PPP1R9A: variants seen among roughly 807,000 people sequenced by gnomAD.
PPP1R9A encodes protein phosphatase 1 regulatory subunit 9A.
In PPP1R9A, 59 loss-of-function variants were observed where a neutral mutation model predicts 141.9. That is an observed-to-expected ratio of 0.42 (90% CI 0.34 to 0.52). The LOEUF is 0.52. Ranked by LOEUF, PPP1R9A falls within the 20% of genes least tolerant of loss-of-function variation. The pLI is 0.10. For missense variants in PPP1R9A, 1,444 were observed against 1,611.9 expected, an observed-to-expected ratio of 0.90 and a Z score of 1.78; for synonymous variants, 500 against 569.7, an observed-to-expected ratio of 0.88 and a Z score of 1.74.
chr7:94,976,904 AT>A (rs201554823), intron 2 of PPP1R9A, among the ~76,000 whole-genome samples: 2,282 of 152,256 alleles, frequency 0.015, 23 homozygotes, highest in Admixed American at 0.024. Flanking sequence ...TGTAGGTTAT[AT>A]TCTTGCTGGG....
chr7:95,025,763 ATTCATTCCTT>A (rs1224933362), intron 2 of PPP1R9A, among the ~76,000 whole-genome samples: 1 of 152,034 alleles, frequency 6.6e-6, no homozygotes, highest in Non-Finnish European at 1.5e-5. Flanking sequence ...TGGAGGCTTT[ATTCATTCCTT>A]TTCATTCCTT....
intron 2 of PPP1R9A, among the ~76,000 whole-genome samples, chr7:95,007,011 C>T (rs1167191967): frequency 2.6e-5 from 4 of 152,036 alleles, no homozygotes; most frequent in Non-Finnish European, 5.9e-5. Flanking sequence ...TACAGGAGCA[C>T]GCCACTACAC....
chr7:95,281,804 T>C (rs1001952199), intron 16 of PPP1R9A, among the ~76,000 whole-genome samples: 2 of 152,186 alleles, frequency 1.3e-5, no homozygotes, highest in African/African-American at 4.8e-5. Flanking sequence ...CATGGCCTAT[T>C]TATAAACTTT....
chr7:95,003,817 C>T (rs1803255371), intron 2 of PPP1R9A, among the ~76,000 whole-genome samples: 1 of 152,126 alleles, frequency 6.6e-6, no homozygotes, highest in Non-Finnish European at 1.5e-5. Context: ...GAATTGAAAA[C>T]CACTGCCTTA....
At chr7:94,907,854 G>A (rs1223375918) in intron 1 of PPP1R9A, 152 bp downstream of exon 1, 2 of 149,638 alleles carry the variant, frequency 1.3e-5, no homozygotes, top group Non-Finnish European at 1.5e-5. Flanking sequence ...GAGCGTGCGG[G>A]CGCGTCGCTG....
At chr7:95,237,020 T>C (rs553415842) in intron 8 of PPP1R9A, among the ~76,000 whole-genome samples, 1 of 151,862 alleles carries the variant, frequency 6.6e-6, no homozygotes, top group African/African-American at 2.4e-5. Context: ...GAAAACATAT[T>C]CCATATAATA....
At chr7:95,282,540 G>C (rs970794800) in intron 16 of PPP1R9A, among the ~76,000 whole-genome samples, 1 of 152,086 alleles carries the variant, frequency 6.6e-6, no homozygotes, top group African/African-American at 2.4e-5. Flanking sequence ...CATCCCAAAG[G>C]GTCAGAGCCC....
chr7:94,976,017 A>G (rs570890943), intron 2 of PPP1R9A, among the ~76,000 whole-genome samples: 8 of 152,148 alleles, frequency 5.3e-5, no homozygotes, highest in East Asian at 1.9e-4. Context: ...TCTCTATATC[A>G]GGGATTGTGT....
At chr7:95,076,552 A>G (rs867173194) in intron 2 of PPP1R9A, among the ~76,000 whole-genome samples, 6 of 152,108 alleles carry the variant, frequency 3.9e-5, no homozygotes, top group Admixed American at 2.6e-4. Flanking sequence ...TGTTTACAAA[A>G]CTTTAAATTT....
At chr7:94,995,950 A>G (rs1452473242) in intron 2 of PPP1R9A, among the ~76,000 whole-genome samples, 1 of 152,180 alleles carries the variant, frequency 6.6e-6, no homozygotes, top group Non-Finnish European at 1.5e-5. Flanking sequence ...TTATATAGAA[A>G]TAATTTTATC....
At chr7:94,979,202 A>G (rs1387481365) in intron 2 of PPP1R9A, among the ~76,000 whole-genome samples, 5 of 152,166 alleles carry the variant, frequency 3.3e-5, no homozygotes, top group Admixed American at 2.0e-4. Context: ...ATTAGAGTTT[A>G]CTTGTTTGAG....
chr7:95,071,876 T>C (rs758249993), intron 2 of PPP1R9A, among the ~76,000 whole-genome samples: 1 of 151,910 alleles, frequency 6.6e-6, no homozygotes, highest in Non-Finnish European at 1.5e-5. Context: ...GCTATTTCCC[T>C]ATGAAGACAT....
chr7:94,991,673 C>G (rs1801531754), intron 2 of PPP1R9A, among the ~76,000 whole-genome samples: 1 of 151,884 alleles, frequency 6.6e-6, no homozygotes, highest in Non-Finnish European at 1.5e-5. Flanking sequence ...ATTTTTGAGA[C>G]AGAGTCTCGC....
At chr7:94,972,423 T>TC (rs1798952373) in intron 2 of PPP1R9A, among the ~76,000 whole-genome samples, 1 of 152,022 alleles carries the variant, frequency 6.6e-6, no homozygotes, top group Non-Finnish European at 1.5e-5. Context: ...TTTTTTTTTT[T>TC]CCCTGCAAAT....
chr7:95,053,112 C>T lies in PPP1R9A; in HGVS notation c.1396-58147C>T, dbSNP rs147275878. On this transcript the variant is annotated intron_variant, in intron 2 of 19. Transcript: ENST00000433360. ...TGTATTAATAGTAGCATTGGTGGGA[C>T]GACTTCCCTCCATCCTCACTCAGGG... Among the ~76,000 whole-genome samples the T allele has an allele frequency of 4.4e-3, 673 of 152,244 alleles. 2 individuals carry two copies. Among genetic ancestry groups the T allele is most frequent in the Non-Finnish European group, 7.2e-3 (490 of 68,016 alleles).
At chr7:95,041,320 TAGG>T (rs1809205304) in intron 2 of PPP1R9A, among the ~76,000 whole-genome samples, 1 of 152,028 alleles carries the variant, frequency 6.6e-6, no homozygotes, top group Non-Finnish European at 1.5e-5. Flanking sequence ...TGCAGAAAAA[TAGG>T]AGGAAAAACC....
chr7:94,963,239 G>A (rs1350391017), intron 2 of PPP1R9A, among the ~76,000 whole-genome samples: 1 of 152,060 alleles, frequency 6.6e-6, no homozygotes. Context: ...TACCAGTTAT[G>A]CCACACTTAA....
chr7:95,126,550 G>A (rs78264489), intron 4 of PPP1R9A, among the ~76,000 whole-genome samples: 178 of 152,204 alleles, frequency 1.2e-3, no homozygotes, highest in African/African-American at 4.1e-3. Context: ...CATTCCAGTC[G>A]ACAGTATTTC....
In PPP1R9A at chr7:95,269,166, C is replaced by T. The variant is rs371173535; in HGVS notation, c.2824-41C>T. On this transcript the variant is annotated intron_variant, in intron 13 of 19. Transcript: ENST00000433360. ...AAGTAAGTATTGCATAGAACTGATA[C>T]TCAGTGGCATAACCTTCCTTATAAT... 2.0e-4 allele frequency: 291 copies of T among 1,473,212 alleles called. No individual in the cohort carries two copies. In the African/African-American group the frequency reaches 3.7e-3, roughly 19 times the overall value. The allele number at this position is 1,473,212 out of a possible 1,614,324, so 91.3% of individuals were successfully genotyped here. A position where few individuals can be genotyped will look rare whatever the true frequency, so the allele number is the denominator to read the frequency against.
Sources: allele counts gnomAD v4.1 joint callset (sites outside exome capture counted in the v4.1 genomes callset), GRCh38; gene constraint gnomAD v4.1.1; transcripts MANE v1.5; gene names NCBI Gene and HGNC (gene_info 2026-07-23, HGNC 2026-07-21).